Variants in ORC5 observed in about 807,000 individuals in gnomAD.
ORC5 encodes protein phosphatase 1, regulatory subunit 117.
A neutral mutation model predicts 58.8 loss-of-function variants in ORC5; 39 were observed. The observed-to-expected ratio is 0.66, with a 90% confidence interval of 0.51 to 0.87. The LOEUF (loss-of-function observed/expected upper bound fraction) is 0.87, where lower values mean the gene tolerates loss of function less well. ORC5 is among the 40% of genes least tolerant of loss of function. The pLI, the probability that ORC5 is intolerant of heterozygous loss-of-function variation, is 0.00. For missense variants in ORC5, 493 were observed against 506.3 expected, an observed-to-expected ratio of 0.97 and a Z score of 0.25; for synonymous variants, 218 against 177.6, an observed-to-expected ratio of 1.23 and a Z score of -1.81.
chr7:104,137,662 C>T (rs1020582419), intron 12 of ORC5, among the ~76,000 whole-genome samples: 35 of 152,098 alleles, frequency 2.3e-4, no homozygotes, highest in Admixed American at 7.9e-4. Context: ...TCGAGAGCAA[C>T]ATACCGGCAG....
At chr7:104,141,064 T>C (rs894283793) in intron 12 of ORC5, among the ~76,000 whole-genome samples, 1 of 152,054 alleles carries the variant, frequency 6.6e-6, no homozygotes, top group Non-Finnish European at 1.5e-5. Flanking sequence ...TCCAAAACTT[T>C]TAAAAAACAT....
intron 5 of ORC5, among the ~76,000 whole-genome samples, chr7:104,191,586 T>G (rs1238589878): frequency 6.6e-6 from 1 of 151,972 alleles, no homozygotes; most frequent in Admixed American, 6.6e-5. Flanking sequence ...CTTATAAGAA[T>G]AGGAATCCTC....
chr7:104,180,113 G>T (rs1173181779), intron 8 of ORC5, among the ~76,000 whole-genome samples: 1 of 152,094 alleles, frequency 6.6e-6, no homozygotes, highest in African/African-American at 2.4e-5. Flanking sequence ...GTACTTCCCT[G>T]CTCAAGGTAC....
chr7:104,204,406 A>T (rs1469028049), intron 1 of ORC5, among the ~76,000 whole-genome samples, 172 bp from the exon 2 acceptor site: 1 of 152,194 alleles, frequency 6.6e-6, no homozygotes, highest in East Asian at 1.9e-4. Context: ...TTCAACTCTA[A>T]GCACTTTCTT....
At chr7:104,166,031 CAAAAAAAT>C (rs1378672920) in intron 10 of ORC5, among the ~76,000 whole-genome samples, 103 of 119,142 alleles carry the variant, frequency 8.6e-4, no homozygotes, top group Admixed American at 5.5e-3. Context: ...CACTCTGTCT[CAAAAAAAT>C]AAAAAAAAAT....
At chr7:104,134,083 A>G (rs1798552516) in intron 13 of ORC5, among the ~76,000 whole-genome samples, 1 of 152,164 alleles carries the variant, frequency 6.6e-6, no homozygotes, top group African/African-American at 2.4e-5. Context: ...AAGACTGAAC[A>G]GAATGAACTC....
chr7:104,155,180 CAAAT>C (rs1798903282), intron 12 of ORC5, among the ~76,000 whole-genome samples: 1 of 151,610 alleles, frequency 6.6e-6, no homozygotes, highest in African/African-American at 2.4e-5. Context: ...ATCGATGTAA[CAAAT>C]AACTCCAAGT....
At chr7:104,158,884 T>G (rs1043102320) in intron 12 of ORC5, among the ~76,000 whole-genome samples, 1 of 151,850 alleles carries the variant, frequency 6.6e-6, no homozygotes, top group Non-Finnish European at 1.5e-5. Context: ...TTGGTGGGAC[T>G]GTAAACTAGT....
intron 11 of ORC5, among the ~76,000 whole-genome samples, chr7:104,163,406 G>A (rs866682595): frequency 6.6e-6 from 1 of 152,118 alleles, no homozygotes; most frequent in Non-Finnish European, 1.5e-5. Flanking sequence ...GATGAAAGAG[G>A]GTCACTCAAT....
At chr7:104,159,480 TAATAA>T (rs1020532347) in intron 12 of ORC5, among the ~76,000 whole-genome samples, 16 of 129,390 alleles carry the variant, frequency 1.2e-4, no homozygotes, top group East Asian at 2.2e-4. Flanking sequence ...AGTATAATAA[TAATAA>T]AATAAAATAA....
At position 104,161,133 on chromosome 7, in the gene ORC5, A is replaced by G. The variant is rs1799015427; in HGVS notation, c.1088T>C (p.Leu363Ser). ...GPKPFPLDRL[L>S]AILYSIVDSR... is the part of the protein sequence containing the mutation. ...GTCCACGATACTATATAATATTGCT[A>G]ATAATCTGTCTAGTGGAAATGGTTT... The change falls in exon 12 of 14, where the codon TTA becomes TCA. Residue 363 changes from leucine (L) to serine (S), a missense_variant. Leu to Ser is a moderately radical substitution (Grantham distance 145). Around this residue, in one of 3 missense-constraint regions of ORC5, gnomAD observed 77 missense variants for 86.1 expected, o/e 0.89. Transcript: ENST00000297431. 1 of 1,611,410 alleles carries G rather than the reference A, an allele frequency of 6.2e-7. No homozygotes were observed. Among genetic ancestry groups the G allele is most frequent in the Non-Finnish European group, 8.5e-7 (1 of 1,177,780 alleles).
At chr7:104,183,649 C>A (rs1799481279) in intron 8 of ORC5, among the ~76,000 whole-genome samples, 1 of 152,202 alleles carries the variant, frequency 6.6e-6, no homozygotes, top group South Asian at 2.1e-4. Context: ...ATCTGCCAGG[C>A]AAATCCCTGT....
chr7:104,171,868 A>T (rs886814410), intron 8 of ORC5, among the ~76,000 whole-genome samples: 1 of 152,106 alleles, frequency 6.6e-6, no homozygotes, highest in Non-Finnish European at 1.5e-5. Context: ...AAAACAAAAA[A>T]ACAAAAAACA....
intron 4 of ORC5, among the ~76,000 whole-genome samples, chr7:104,197,266 C>T (rs538372143): frequency 6.6e-6 from 1 of 152,248 alleles, no homozygotes; most frequent in Non-Finnish European, 1.5e-5. Flanking sequence ...TAAGTGAGGA[C>T]TTACTGTACT....
chr7:104,160,031 C>T (rs1798997430), intron 12 of ORC5, among the ~76,000 whole-genome samples: 1 of 152,062 alleles, frequency 6.6e-6, no homozygotes, highest in South Asian at 2.1e-4. Flanking sequence ...AGTGATCTAC[C>T]TACCTATCTA....
At chr7:104,178,297 T>C (rs918340271) in intron 8 of ORC5, among the ~76,000 whole-genome samples, 2 of 152,228 alleles carry the variant, frequency 1.3e-5, no homozygotes, top group Non-Finnish European at 2.9e-5. Context: ...TGGTTTTGAT[T>C]TTCATTTCTC....
rs369829260 is a variant in ORC5, at chr7:104,126,857, A to T, written c.1299T>A (p.Asp433Glu). Residue 433 changes from aspartate to glutamate, a missense_variant, in exon 14 of 14, where the codon GAT (aspartate) becomes GAA (glutamate). By Grantham distance (45) the Asp-to-Glu change is conservative. Transcript: ENST00000297431. Reference sequence around the variant, plus strand: ...GCTTTGAAGCTTGTTTTCACAAGAAATCATACAAGTATTTTATTATGTCAA... The same window carrying T: ...GCTTTGAAGCTTGTTTTCACAAGAATTCATACAAGTATTTTATTATGTCAA... ...VNFDIIKYLY[D>E]FL The T allele has an allele frequency of 1.2e-6, 2 of 1,607,100 alleles. No individual in the cohort carries two copies. The highest frequency in any genetic ancestry group is 1.7e-6 in the Non-Finnish European group (2 of 1,175,450).
intron 12 of ORC5, among the ~76,000 whole-genome samples, chr7:104,156,428 C>T (rs1434063027): frequency 6.6e-6 from 1 of 151,572 alleles, no homozygotes; most frequent in East Asian, 1.9e-4. Flanking sequence ...AATATTGCTG[C>T]TAGTACTATT....
chr7:104,142,351 CT>C (rs1243366153), intron 12 of ORC5, among the ~76,000 whole-genome samples: 1 of 151,952 alleles, frequency 6.6e-6, no homozygotes, highest in Non-Finnish European at 1.5e-5. Flanking sequence ...TTTGGATAGG[CT>C]GCCAAAAGCA....
Sources: gnomAD v4.1 joint callset for allele counts (sites outside exome capture counted in the v4.1 genomes callset) on GRCh38, gnomAD v4.1.1 for gene constraint, gnomAD v4.1.1 regional missense constraint, MANE v1.5 for transcripts, NCBI Gene and HGNC (gene_info 2026-07-23, HGNC 2026-07-21) for gene names.